The following MAJIN variants were observed in gnomAD, a reference collection of about 807,000 sequenced individuals.
MAJIN encodes the protein membrane-anchored junction protein.
In MAJIN, 27 loss-of-function variants were observed where a neutral mutation model predicts 30.2. The observed-to-expected ratio is 0.89, with a 90% CI of 0.66 to 1.23. MAJIN has a LOEUF of 1.23. MAJIN is among the 50% of genes most tolerant of loss of function. The pLI is 0.00. For synonymous variants in MAJIN, 78 were observed against 91.6 expected (o/e 0.85, Z 0.85); for missense variants, 253 against 260.3 (o/e 0.97, Z 0.19).
intron 9 of MAJIN, 38 bp downstream of exon 9, chr11:64,940,536 T>C: frequency 5.7e-6 from 9 of 1,581,426 alleles, no homozygotes; most frequent in Non-Finnish European, 7.0e-6. Flanking sequence ...AAAGGGTGAT[T>C]ATTAAAGGAG....
chr11:64,940,440 C>T, intron 9 of MAJIN, 134 bp downstream of exon 9: 1 of 814,992 alleles, frequency 1.2e-6, no homozygotes, highest in Non-Finnish European at 2.0e-6. Context: ...GGCTAACAAG[C>T]ACCTCCACGG....
chr11:64,950,480 CT>C (rs781289590), intron 4 of MAJIN, 50 bp from the exon 5 acceptor site: 15 of 1,538,790 alleles, frequency 9.7e-6, no homozygotes, highest in Non-Finnish European at 1.3e-5. Flanking sequence ...CTCAGCCAGT[CT>C]TTGTTTATAT....
intron 8 of MAJIN, among the ~76,000 whole-genome samples, 189 bp from the exon 9 acceptor site, chr11:64,940,835 C>CTTTTTTTTTTTTTTTTTTTTTTT (rs1168979344): frequency 2.4e-4 from 21 of 88,562 alleles, no homozygotes; most frequent in Non-Finnish European, 3.0e-4. Flanking sequence ...TTTTTTCTTT[C>CTTTTTTTTTTTTTTTTTTTTTTT]TTTTTTTTTT....
At chr11:64,940,863 GA>G (rs1313026605) in intron 8 of MAJIN, among the ~76,000 whole-genome samples, 1 of 76,330 alleles carries the variant, frequency 1.3e-5, no homozygotes, top group Non-Finnish European at 2.3e-5. Context: ...TTTTGAGACT[GA>G]ATCTCGCTCT....
chr11:64,963,176 A>T (rs950710202), intron 1 of MAJIN, among the ~76,000 whole-genome samples: 4 of 152,202 alleles, frequency 2.6e-5, no homozygotes, highest in African/African-American at 9.6e-5. Flanking sequence ...ACTTTCCAGG[A>T]AATCAATTCT....
intron 4 of MAJIN, 111 bp from the exon 5 acceptor site, chr11:64,950,541 G>A (rs1237731812): frequency 2.3e-6 from 2 of 880,162 alleles, no homozygotes; most frequent in Non-Finnish European, 3.5e-6. Context: ...TGAACTATTT[G>A]CTGTTCCTTT....
chr11:64,971,122 G>A (rs368121078), intron 1 of MAJIN, among the ~76,000 whole-genome samples: 6 of 151,854 alleles, frequency 4.0e-5, no homozygotes, highest in African/African-American at 1.2e-4. Context: ...TGGTGAAACC[G>A]TCTCTACTAA....
chr11:64,947,566 G>T, intron 7 of MAJIN, 101 bp from the exon 8 acceptor site: 1 of 1,258,912 alleles, frequency 7.9e-7, no homozygotes, highest in Non-Finnish European at 1.1e-6. Context: ...ACTGCCAAAG[G>T]CAACTTTTAA....
Position 64,940,762 on chromosome 11 carries a change from T to G in MAJIN, c.474-116A>C. The G allele has an allele frequency of 3.7e-6, 3 of 808,446 alleles. No individual in the cohort carries two copies. The South Asian group carries it at 4.5e-5, about 12-fold the overall frequency. 50.1% of individuals were successfully genotyped at this position (808,446 alleles called of 1,614,324 possible). On this transcript the variant is annotated intron_variant, in intron 8 of 10. Transcript: ENST00000301896. ...TCAGCACTGGGGCCTGGCTTCTGAC[T>G]GCCTAGACAGGTTCTATATTTCTTT... is the stretch of plus-strand genomic sequence containing the variant.
At chr11:64,947,854 AAGAC>A in intron 6 of MAJIN, 35 bp from the exon 7 acceptor site, 1 of 1,548,278 alleles carries the variant, frequency 6.5e-7, no homozygotes, top group Non-Finnish European at 8.9e-7. Flanking sequence ...TAATAGATTT[AAGAC>A]TTTTTTTTTT....
At chr11:64,948,643 T>A (rs865819721) in intron 6 of MAJIN, among the ~76,000 whole-genome samples, 362 of 16,572 alleles carry the variant, frequency 0.022, no homozygotes, top group African/African-American at 0.035. Flanking sequence ...ATATATATTT[T>A]TTTTTTTTTT....
intron 1 of MAJIN, among the ~76,000 whole-genome samples, chr11:64,962,404 T>C (rs1357388242): frequency 1.3e-5 from 2 of 152,062 alleles, no homozygotes; most frequent in East Asian, 3.8e-4. Context: ...CACAGGGTTA[T>C]TTTCCAACAT....
At chr11:64,951,394 G>A in intron 4 of MAJIN, among the ~76,000 whole-genome samples, 1 of 152,140 alleles carries the variant, frequency 6.6e-6, no homozygotes, top group East Asian at 1.9e-4. Flanking sequence ...ATTTCTGTGG[G>A]GAAAAAAGTC....
intron 3 of MAJIN, among the ~76,000 whole-genome samples, chr11:64,957,463 C>T (rs1181323906): frequency 2.0e-5 from 3 of 151,910 alleles, no homozygotes; most frequent in Admixed American, 6.6e-5. Context: ...TGGAGTGCAG[C>T]GGCGCGATCT....
At chr11:64,967,669 G>C (rs531189712) in intron 1 of MAJIN, among the ~76,000 whole-genome samples, 2 of 152,090 alleles carry the variant, frequency 1.3e-5, no homozygotes, top group Non-Finnish European at 2.9e-5. Flanking sequence ...AACACAGTGG[G>C]CAAGAAAGAC....
intron 4 of MAJIN, among the ~76,000 whole-genome samples, chr11:64,952,951 T>C (rs1276928503): frequency 2.6e-5 from 4 of 151,682 alleles, no homozygotes; most frequent in Non-Finnish European, 5.9e-5. Flanking sequence ...GTGATCCACC[T>C]GCCTCGGCCT....
intron 1 of MAJIN, among the ~76,000 whole-genome samples, chr11:64,965,982 C>T (rs1945801371): frequency 6.7e-6 from 1 of 149,964 alleles, no homozygotes; most frequent in African/African-American, 2.5e-5. Context: ...GAATTCACAT[C>T]ATGCTGAATT....
intron 3 of MAJIN, among the ~76,000 whole-genome samples, chr11:64,957,369 T>A (rs1307212026): frequency 2.6e-5 from 4 of 152,112 alleles, no homozygotes; most frequent in African/African-American, 7.2e-5. Flanking sequence ...AGTGAGCCAC[T>A]GCACCTAGCC....
chr11:64,959,099 A>C, intron 3 of MAJIN, among the ~76,000 whole-genome samples: 1 of 151,866 alleles, frequency 6.6e-6, no homozygotes, highest in African/African-American at 2.4e-5. Flanking sequence ...TCTTCAAAAA[A>C]AAAAAAAAAA....
Sources: allele counts gnomAD v4.1 joint callset (sites outside exome capture counted in the v4.1 genomes callset), GRCh38; gene constraint gnomAD v4.1.1; transcripts MANE v1.5; gene names NCBI Gene and HGNC (gene_info 2026-07-23, HGNC 2026-07-21).